BMPER: variants seen among roughly 807,000 people sequenced by gnomAD.
BMPER encodes BMP-binding endothelial regulator protein.
Under a neutral mutation model 87.3 loss-of-function variants are expected in BMPER, and 45 were observed. The observed-to-expected ratio is 0.52, with a 90% CI of 0.41 to 0.66. The LOEUF (loss-of-function observed/expected upper bound fraction) is 0.66. Ranked by LOEUF, BMPER falls within the 30% of genes least tolerant of loss-of-function variation. The pLI, the probability that BMPER is intolerant of heterozygous loss-of-function variation, is 0.00. For synonymous variants in BMPER, 326 were observed against 316.2 expected (o/e 1.03, Z -0.33); for missense variants, 784 against 867.5 (o/e 0.90, Z 1.21).
At chr7:33,909,330 A>T (rs1224846283) in intron 2 of BMPER, among the ~76,000 whole-genome samples, 1 of 152,174 alleles carries the variant, frequency 6.6e-6, no homozygotes, top group Non-Finnish European at 1.5e-5. Flanking sequence ...CTATTTGTTG[A>T]GTTAAAGATG....
intron 6 of BMPER, among the ~76,000 whole-genome samples, chr7:34,010,096 C>CT (rs1455800022): frequency 1.3e-5 from 2 of 151,890 alleles, no homozygotes; most frequent in African/African-American, 4.8e-5. Flanking sequence ...CCACACTCTC[C>CT]TTCAAACCTG....
At chr7:33,998,460 T>A (rs970219205) in intron 6 of BMPER, among the ~76,000 whole-genome samples, 2 of 152,244 alleles carry the variant, frequency 1.3e-5, no homozygotes, top group African/African-American at 4.8e-5. Flanking sequence ...GAGCAGACTC[T>A]AATTTGTGAG....
intron 2 of BMPER, among the ~76,000 whole-genome samples, chr7:33,932,844 A>C (rs1056162288): frequency 4.6e-5 from 7 of 152,136 alleles, no homozygotes; most frequent in Non-Finnish European, 1.0e-4. Flanking sequence ...CTGGGAATAG[A>C]ACGGAAGCAT....
intron 13 of BMPER, among the ~76,000 whole-genome samples, chr7:34,134,634 G>C (rs1296880615): frequency 1.3e-5 from 2 of 152,120 alleles, no homozygotes; most frequent in East Asian, 3.9e-4. Flanking sequence ...CTCTGGCTTT[G>C]GGCTCCTTAA....
intron 3 of BMPER, among the ~76,000 whole-genome samples, chr7:33,937,984 A>G (rs145262580): frequency 6.6e-6 from 1 of 152,034 alleles, no homozygotes; most frequent in East Asian, 1.9e-4. Flanking sequence ...TCTTGGCCTT[A>G]GTGTGGGTCT....
intron 2 of BMPER, among the ~76,000 whole-genome samples, chr7:33,928,772 C>G (rs1185488494): frequency 3.3e-5 from 5 of 151,860 alleles, no homozygotes; most frequent in African/African-American, 9.7e-5. Context: ...GAAGGGCCTC[C>G]TTATTAATCC....
intron 3 of BMPER, among the ~76,000 whole-genome samples, chr7:33,949,145 C>A (rs1182136686): frequency 6.6e-6 from 1 of 152,022 alleles, no homozygotes; most frequent in Non-Finnish European, 1.5e-5. Context: ...ACCCTCAACT[C>A]AATTTTTTTT....
intron 3 of BMPER, among the ~76,000 whole-genome samples, chr7:33,964,159 G>GT (rs1785344680): frequency 6.6e-6 from 1 of 152,122 alleles, no homozygotes. Flanking sequence ...ATCTTAGAAC[G>GT]TAAACCCAAA....
At chr7:33,907,884 T>C (rs55882306) in intron 2 of BMPER, among the ~76,000 whole-genome samples, 4,396 of 152,338 alleles carry the variant, frequency 0.029, 210 homozygotes, top group African/African-American at 0.1. Context: ...TCTGAGTTTA[T>C]ACTACATAAA....
At chr7:34,144,237 C>G (rs1284208089) in intron 14 of BMPER, among the ~76,000 whole-genome samples, 3 of 151,754 alleles carry the variant, frequency 2.0e-5, no homozygotes, top group African/African-American at 7.3e-5. Flanking sequence ...TTAGCATGCT[C>G]TCAAAGTGGA....
At chr7:33,984,081 C>G (rs1301972955) in intron 6 of BMPER, among the ~76,000 whole-genome samples, 1 of 152,122 alleles carries the variant, frequency 6.6e-6, no homozygotes, top group Non-Finnish European at 1.5e-5. Flanking sequence ...TAATGCATCT[C>G]CTTACCAAGA....
intron 6 of BMPER, among the ~76,000 whole-genome samples, chr7:34,015,188 G>C (rs1046143676): frequency 6.6e-6 from 1 of 151,914 alleles, no homozygotes; most frequent in African/African-American, 2.4e-5. Flanking sequence ...ACTGGATTCT[G>C]AAGCCACACT....
In BMPER at chr7:34,143,263, C is replaced by A; in HGVS notation, c.1779C>A (p.Val593=). The change falls in exon 14 of 15, where the codon GTC becomes GTA. Residue 593 remains valine (V), a synonymous_variant. Coordinates refer to ENST00000649409, the MANE Select transcript of BMPER (RefSeq NM_001365308.1). ...SCVTDMCECP[V]HKNCYCESFL... The stretch of plus-strand genomic sequence containing the variant: ...TGACAGACATGTGTGAATGTCCAGT[C>A]CATAAAAACTGTTATTGCGAGTCAT... 1 of 1,614,036 alleles carries A rather than the reference C, an allele frequency of 6.2e-7. No individual in the cohort carries two copies. Among genetic ancestry groups the A allele is most frequent in the East Asian group, 2.2e-5 (1 of 44,882 alleles).
intron 13 of BMPER, among the ~76,000 whole-genome samples, chr7:34,100,780 C>T (rs1789659822): frequency 1.3e-5 from 2 of 152,266 alleles, no homozygotes; most frequent in South Asian, 2.1e-4. Context: ...ATGATAAGCT[C>T]AGAGTCAGGG....
chr7:34,124,849 T>C (rs1376736064), intron 13 of BMPER, among the ~76,000 whole-genome samples: 2 of 152,168 alleles, frequency 1.3e-5, no homozygotes, highest in Non-Finnish European at 2.9e-5. Flanking sequence ...TTTTAACATG[T>C]TTGTGAAATT....
intron 13 of BMPER, among the ~76,000 whole-genome samples, chr7:34,101,806 G>A (rs923459663): frequency 6.6e-6 from 1 of 152,246 alleles, no homozygotes; most frequent in East Asian, 1.9e-4. Flanking sequence ...TCCCATATCA[G>A]CCTCAGGCCC....
intron 13 of BMPER, among the ~76,000 whole-genome samples, chr7:34,090,403 C>T (rs989503377): frequency 6.6e-6 from 1 of 152,168 alleles, no homozygotes; most frequent in Admixed American, 6.5e-5. Flanking sequence ...TCTCCAGCCT[C>T]ATATTGCTTC....
At chr7:34,120,422 G>A (rs1790232794) in intron 13 of BMPER, among the ~76,000 whole-genome samples, 1 of 151,424 alleles carries the variant, frequency 6.6e-6, no homozygotes, top group African/African-American at 2.4e-5. Flanking sequence ...TTTTGAGATG[G>A]AGTTTTGCTC....
At chr7:34,075,075 A>T (rs554888135) in intron 11 of BMPER, among the ~76,000 whole-genome samples, 1 of 152,206 alleles carries the variant, frequency 6.6e-6, no homozygotes, top group African/African-American at 2.4e-5. Flanking sequence ...TGTTTTGAAA[A>T]TAATCACTGC....
Sources: gnomAD v4.1 joint callset for allele counts (sites outside exome capture counted in the v4.1 genomes callset) on GRCh38, gnomAD v4.1.1 for gene constraint, MANE v1.5 for transcripts, NCBI Gene and HGNC (gene_info 2026-07-23, HGNC 2026-07-21) for gene names.